Variants in VPS33A observed in about 807,000 individuals in gnomAD.
VPS33A encodes vacuolar protein sorting-associated protein 33A.
Under a neutral mutation model 71.8 loss-of-function variants are expected in VPS33A, and 32 were observed. That is an observed-to-expected ratio of 0.45 (90% CI 0.34 to 0.60). The LOEUF is 0.60. VPS33A is among the 20% of genes least tolerant of loss of function. VPS33A has a pLI of 0.02. For missense variants in VPS33A, 625 were observed against 748.5 expected, an observed-to-expected ratio of 0.84 and a Z score of 1.92; for synonymous variants, 311 against 292.7, an observed-to-expected ratio of 1.06 and a Z score of -0.64.
At chr12:122,244,415 T>C (rs894004789) in intron 7 of VPS33A, among the ~76,000 whole-genome samples, 154 bp downstream of exon 7, 8 of 152,188 alleles carry the variant, frequency 5.3e-5, no homozygotes, top group Admixed American at 3.3e-4. Context: ...AAACCTCGGA[T>C]CTTCCAATAC....
chr12:122,259,698 C>T (rs768085391), intron 4 of VPS33A, among the ~76,000 whole-genome samples: 4 of 151,998 alleles, frequency 2.6e-5, no homozygotes, highest in African/African-American at 7.3e-5. Flanking sequence ...ATGAAGGCCT[C>T]GCGCAGGCTT....
chr12:122,236,286 T>A (rs1374117489), intron 10 of VPS33A, among the ~76,000 whole-genome samples: 1 of 151,788 alleles, frequency 6.6e-6, no homozygotes, highest in Admixed American at 6.6e-5. Flanking sequence ...ATAAGAAAGG[T>A]CTCCAGAATA....
rs150517170 is a variant in VPS33A at position 122,235,510 on chromosome 12, C to A, written c.1440+276G>T. 0.026 allele frequency among the ~76,000 whole-genome samples: 3,953 copies of A among 151,988 alleles called. 77 individuals carry two copies. The highest frequency in any genetic ancestry group is 0.068 in the South Asian group (325 of 4,812). On this transcript the variant is annotated intron_variant, in intron 11 of 12. Transcript: ENST00000267199. ...AACTCCTGAGCTCAAGTGATCTGCC[C>A]GCCTCGGCCTCCCAAAGTGCTGGGA...
Position 122,256,407 on chromosome 12 carries a change from C to T in VPS33A, c.483+4854G>A, listed in dbSNP as rs148267072. ...TGGCCAACATGGTGAAACCCCATCT[C>T]CACTACAAATACAAAAATTAGCCTG... On this transcript the variant is annotated intron_variant, in intron 4 of 12. Coordinates refer to ENST00000267199, the MANE Select transcript of VPS33A (RefSeq NM_022916.6). 7.1e-4 allele frequency among the ~76,000 whole-genome samples: 108 copies of T among 152,006 alleles called. 2 individuals are homozygous for T. Among genetic ancestry groups the T allele is most frequent in the African/African-American group, 2.5e-3 (102 of 41,406 alleles).
In VPS33A at chr12:122,249,607, T is replaced by C. The variant is rs1954818205; in HGVS notation, c.775+264A>G. 1.4e-5 allele frequency: 4 copies of C among 282,748 alleles called. No individual in the cohort carries two copies. The South Asian group carries it at 4.2e-4, about 30-fold the overall frequency. 17.5% of individuals were successfully genotyped at this position (282,748 alleles called of 1,614,324 possible). A position where few individuals can be genotyped will look rare whatever the true frequency, so the allele number is the denominator to read the frequency against. ...AAGAAAATGGAAATCGAAATTCTTA[T>C]GCAAACCTCACTGATCCTCTTTTTT... On this transcript the variant is annotated intron_variant, in intron 6 of 12. Transcript: ENST00000267199.
At chr12:122,244,204 A>G (rs969106469) in intron 7 of VPS33A, among the ~76,000 whole-genome samples, 7 of 152,216 alleles carry the variant, frequency 4.6e-5, no homozygotes, top group Non-Finnish European at 4.4e-5. Context: ...TTGAGTTTTC[A>G]GCATGAACCA....
intron 4 of VPS33A, among the ~76,000 whole-genome samples, chr12:122,251,832 G>A (rs919013663): frequency 1.3e-5 from 2 of 151,102 alleles, no homozygotes; most frequent in Non-Finnish European, 2.9e-5. Context: ...TAAATGATGA[G>A]TTAATGGGTG....
chr12:122,264,160 G>T lies in VPS33A; in HGVS notation c.142C>A (p.Leu48Met). The T allele has an allele frequency of 6.4e-7, 1 of 1,563,700 alleles. No individual in the cohort carries two copies. The highest frequency in any genetic ancestry group is 8.7e-7 in the Non-Finnish European group (1 of 1,145,748). The change falls in exon 2 of 13, where the codon CTG (leucine) becomes ATG (methionine). Residue 48 changes from leucine to methionine, a missense_variant. Physicochemically the swap from Leu to Met is conservative, Grantham distance 15. Transcript: ENST00000267199. ...WDEYLTGPFG[L>M]IAQYSLLKEH... is the part of the protein sequence containing the mutation. Reference sequence around the variant, plus strand: ...TTCAATAGTGAATACTGTGCAATCAGGCCAAAGGGTCCAGTTAGGTATTCA... The same window carrying T: ...TTCAATAGTGAATACTGTGCAATCATGCCAAAGGGTCCAGTTAGGTATTCA...
chr12:122,238,996 T>TACACACACAC (rs68026867), intron 9 of VPS33A, among the ~76,000 whole-genome samples: 5 of 137,108 alleles, frequency 3.6e-5, no homozygotes, highest in Admixed American at 7.4e-5. Context: ...CATACATACA[T>TACACACACAC]ACACACACAC....
intron 4 of VPS33A, among the ~76,000 whole-genome samples, chr12:122,259,034 G>A (rs1954955317): frequency 6.6e-6 from 1 of 150,618 alleles, no homozygotes; most frequent in African/African-American, 2.5e-5. Context: ...TGTCCATGTG[G>A]ATATACAACT....
rs538501181 is a variant in VPS33A at position 122,240,041 on chromosome 12, C to G, written c.1097-96G>C. 5.5e-5 allele frequency: 53 copies of G among 970,576 alleles called. 1 individual carries two copies. The highest frequency in any genetic ancestry group is 6.2e-4 in the Middle Eastern group (2 of 3,238). 60.1% of individuals were successfully genotyped at this position (970,576 alleles called of 1,614,324 possible). On this transcript the variant is annotated intron_variant, in intron 8 of 12. Coordinates refer to ENST00000267199, the MANE Select transcript of VPS33A (RefSeq NM_022916.6). ...CACAGAGCACGATTCAGAAACTAGA[C>G]ATGTGGCTGGGCACGGTGGCTCACA...
Position 122,263,694 on chromosome 12 carries a change from A to G in VPS33A, c.174T>C (p.His58=), listed in dbSNP as rs148545116. The G allele has an allele frequency of 1.7e-5, 28 of 1,608,994 alleles. No individual in the cohort carries two copies. The highest frequency in any genetic ancestry group is 2.3e-5 in the Non-Finnish European group (27 of 1,176,504). The change falls in exon 3 of 13, where the codon CAT becomes CAC. Residue 58 remains histidine, a synonymous_variant. Transcript: ENST00000267199. ...TAAGTGTGAACATTTTTTCCACTTC[A>G]TGTTCCTAGGCAAACACATACACAA... ...LIAQYSLLKE[H]EVEKMFTLKG... is the part of the protein sequence containing the mutation.
intron 8 of VPS33A, among the ~76,000 whole-genome samples, chr12:122,241,932 G>C (rs1416522025): frequency 6.8e-6 from 1 of 146,584 alleles, no homozygotes; most frequent in Non-Finnish European, 1.5e-5. Context: ...TTTCGAGATG[G>C]AGTCTCACTC....
At chr12:122,239,225 A>T (rs1954676203) in intron 9 of VPS33A, among the ~76,000 whole-genome samples, 1 of 152,220 alleles carries the variant, frequency 6.6e-6, no homozygotes, top group African/African-American at 2.4e-5. Context: ...TCATAAAGTG[A>T]ATAATTTAAA....
chr12:122,251,326 T>C (rs576340469), intron 4 of VPS33A, among the ~76,000 whole-genome samples: 2 of 152,326 alleles, frequency 1.3e-5, no homozygotes, highest in East Asian at 3.9e-4. Flanking sequence ...GCACCTCTCC[T>C]GGGCAGAGCC....
chr12:122,250,831 T>G, intron 5 of VPS33A, 152 bp downstream of exon 5: 1 of 647,714 alleles, frequency 1.5e-6, no homozygotes, highest in Non-Finnish European at 2.7e-6. Context: ...TGGAGGGTTA[T>G]AAGTGCATTT....
chr12:122,257,279 T>C (rs1383803008), intron 4 of VPS33A, among the ~76,000 whole-genome samples: 1 of 151,464 alleles, frequency 6.6e-6, no homozygotes, highest in East Asian at 1.9e-4. Context: ...ATACAAAAAT[T>C]AGGCGGGCGT....
At chr12:122,241,455 C>T (rs1379188287) in intron 8 of VPS33A, among the ~76,000 whole-genome samples, 1 of 152,014 alleles carries the variant, frequency 6.6e-6, no homozygotes, top group Non-Finnish European at 1.5e-5. Flanking sequence ...CAGGTGCCCG[C>T]CACCACACCT....
Position 122,238,697 on chromosome 12 carries a change from C to T in VPS33A, c.1192G>A (p.Ala398Thr), listed in dbSNP as rs186215132. 3.0e-5 allele frequency: 48 copies of T among 1,612,088 alleles called. No homozygotes were observed. Among genetic ancestry groups the T allele is most frequent in the East Asian group, 1.3e-4 (6 of 44,830 alleles). Reference protein sequence around the residue: ...KVNNYIEDCIAQKHSLIKVLR... With the variant: ...KVNNYIEDCITQKHSLIKVLR... The stretch of plus-strand genomic sequence containing the variant: ...ACCTTGATCAACGAGTGCTTTTGGG[C>T]GATACAATCCTCAATGTAATTGTTG... The change falls in exon 10 of 13, where the codon GCC becomes ACC. Residue 398 changes from alanine (A) to threonine (T), a missense_variant. Ala to Thr is a moderately conservative substitution (Grantham distance 58). Coordinates refer to ENST00000267199, the MANE Select transcript of VPS33A (RefSeq NM_022916.6).
Sources: allele counts gnomAD v4.1 joint callset (sites outside exome capture counted in the v4.1 genomes callset), GRCh38; gene constraint gnomAD v4.1.1; transcripts MANE v1.5; gene names NCBI Gene and HGNC (gene_info 2026-07-23, HGNC 2026-07-21).